GLYATL2: variants seen among roughly 807,000 people sequenced by gnomAD.
GLYATL2 encodes glycine-N-acyltransferase like 2.
A neutral mutation model predicts 21.4 loss-of-function variants in GLYATL2; 25 were observed. The ratio of observed to expected loss-of-function variants is 1.17; its 90% CI spans 0.85 to 1.63. The LOEUF is 1.63. Ranked by LOEUF, GLYATL2 falls within the 40% of genes most tolerant of loss-of-function variation. GLYATL2 has a pLI of 0.00. For synonymous variants in GLYATL2, 114 were observed against 118.2 expected (o/e 0.96, Z 0.23); for missense variants, 361 against 343.3 (o/e 1.05, Z -0.41).
intron 1 of GLYATL2, among the ~76,000 whole-genome samples, chr11:58,867,130 TA>T (rs1246420985): frequency 6.7e-6 from 1 of 148,840 alleles, no homozygotes; most frequent in Non-Finnish European, 1.5e-5. Flanking sequence ...TAGGGCCTCA[TA>T]GGGATTCAAA....
rs567930370 is a variant in GLYATL2, at chr11:58,865,993, C to A, written n.61-27625G>T. ...GAGCTTCAGAGCTTTAAAATGTTCT[C>A]GGATGCCCCCAGCCAAGAAAGCATG... On this transcript the variant is annotated intron_variant and non_coding_transcript_variant, in intron 1 of 4. Coordinates refer to the GLYATL2 transcript ENST00000533636. 3.4e-5 allele frequency among the ~76,000 whole-genome samples: 5 copies of A among 148,860 alleles called. 1 individual carries two copies. The highest frequency in any genetic ancestry group is 1.2e-4 in the African/African-American group (5 of 41,342).
rs533585005 is a variant in GLYATL2, at chr11:58,882,055, C to T, written n.60+22101G>A. ...TCAATAAACATATGTGTGCATGTGTCTTTATAGTAGCATGATTTATAATCC... is the reference window on the plus strand; with the variant it reads ...TCAATAAACATATGTGTGCATGTGTTTTTATAGTAGCATGATTTATAATCC... On this transcript the variant is annotated intron_variant and non_coding_transcript_variant, in intron 1 of 4. Coordinates refer to the GLYATL2 transcript ENST00000533636. 3.3e-5 allele frequency among the ~76,000 whole-genome samples: 5 copies of T among 152,278 alleles called. No individual in the cohort carries two copies. The South Asian group carries it at 1.0e-3, about 32-fold the overall frequency.
Position 58,834,639 on chromosome 11 carries a change from C to T in GLYATL2, c.675G>A (p.Met225Ile). ...IVMEQSCELR[M>I]GYTVPKYRHQ... Reference sequence around the variant, plus strand: ...GTCTGTATTTGGGGACAGTATAACCCATTCTCAACTCACAGGACTGTTCCA... The same window carrying T: ...GTCTGTATTTGGGGACAGTATAACCTATTCTCAACTCACAGGACTGTTCCA... Residue 225 changes from methionine to isoleucine, a missense_variant, in exon 6 of 6, where the codon ATG becomes ATA. Physicochemically the swap from Met to Ile is conservative, Grantham distance 10. Transcript: ENST00000287275. 6.2e-7 allele frequency: 1 copy of T among 1,613,418 alleles called. No homozygotes were observed. The highest frequency in any genetic ancestry group is 8.5e-7 in the Non-Finnish European group (1 of 1,179,832).
chr11:58,886,920 G>C (rs1854452440), intron 1 of GLYATL2, among the ~76,000 whole-genome samples: 1 of 152,154 alleles, frequency 6.6e-6, no homozygotes, highest in Admixed American at 6.5e-5. Flanking sequence ...AGGGGTAAAG[G>C]GGATGGGAAC....
At chr11:58,875,094 A>G (rs1374242544) in intron 1 of GLYATL2, among the ~76,000 whole-genome samples, 1 of 152,158 alleles carries the variant, frequency 6.6e-6, no homozygotes, top group Admixed American at 6.5e-5. Flanking sequence ...CTGTTTTATC[A>G]GAGACTAGGA....
chr11:58,849,061 A>G (rs1853692684), upstream of GLYATL2, among the ~76,000 whole-genome samples: 1 of 152,218 alleles, frequency 6.6e-6, no homozygotes, highest in Non-Finnish European at 1.5e-5. Flanking sequence ...CTGAAGGAAA[A>G]ATACCTTTTA....
chr11:58,907,713 A>G (rs894020900), upstream of GLYATL2: 3 of 198,798 alleles, frequency 1.5e-5, no homozygotes, highest in African/African-American at 2.3e-5. Context: ...TGTTAATTTC[A>G]CAACTTTGGG....
intron 1 of GLYATL2, among the ~76,000 whole-genome samples, chr11:58,884,682 C>T (rs1854404591): frequency 6.6e-6 from 1 of 152,082 alleles, no homozygotes; most frequent in Non-Finnish European, 1.5e-5. Flanking sequence ...GGAGGAAGGG[C>T]ATGGGGTTTG....
chr11:58,909,255 G>A, the GLYATL2 span, among the ~76,000 whole-genome samples: 2 of 152,150 alleles, frequency 1.3e-5, no homozygotes, highest in Admixed American at 1.3e-4. Context: ...GGAAAACAGA[G>A]GTATTAGTCA....
intron 1 of GLYATL2, among the ~76,000 whole-genome samples, chr11:58,873,482 G>GT (rs1854164228): frequency 6.6e-6 from 1 of 152,184 alleles, no homozygotes; most frequent in Non-Finnish European, 1.5e-5. Context: ...TTTATTGATA[G>GT]TTTTTAGCAT....
At chr11:58,871,104 G>A (rs1194132524) in intron 1 of GLYATL2, among the ~76,000 whole-genome samples, 1 of 152,072 alleles carries the variant, frequency 6.6e-6, no homozygotes, top group East Asian at 1.9e-4. Context: ...GGGTGGAGAG[G>A]GTGGATAAGG....
rs1270258475 is a variant in GLYATL2, at chr11:58,882,634, T to C, written n.60+21522A>G. Among the ~76,000 whole-genome samples the C allele has an allele frequency of 2.6e-5, 4 of 152,260 alleles. 1 individual carries two copies. The highest frequency in any genetic ancestry group is 1.9e-4 in the East Asian group (1 of 5,188). On this transcript the variant is annotated intron_variant and non_coding_transcript_variant, in intron 1 of 4. Transcript: ENST00000533636. ...GCTTTTGTTGCCATTGCTTTTGGGG[T>C]TTTAGTCATGAAGTCCTTGCCCATG...
rs528616160 is a variant in GLYATL2 at position 58,870,664 on chromosome 11, T to C, written n.61-32296A>G. ...AGCCTCCTGGGTAAAGGCAGGATTT[T>C]ATGACTCCTTCAACAGGCAGAACGA... On this transcript the variant is annotated intron_variant and non_coding_transcript_variant, in intron 1 of 4. Transcript: ENST00000533636. Among the ~76,000 whole-genome samples the C allele has an allele frequency of 2.0e-5, 3 of 152,334 alleles. No individual in the cohort carries two copies. The South Asian group carries it at 6.2e-4, about 32-fold the overall frequency.
chr11:58,905,885 G>A (rs1257449599), upstream of GLYATL2, among the ~76,000 whole-genome samples: 18 of 152,246 alleles, frequency 1.2e-4, no homozygotes. Context: ...CAAAGTGGAT[G>A]AGAGGATGAA....
At chr11:58,846,346 A>AGCC (rs1487879260), upstream of GLYATL2, among the ~76,000 whole-genome samples, 1 of 152,026 alleles carries the variant, frequency 6.6e-6, no homozygotes, top group African/African-American at 2.4e-5. Flanking sequence ...ACTACACAGA[A>AGCC]AAAAATACCT....
chr11:58,875,242 C>T (rs1433610325), intron 1 of GLYATL2, among the ~76,000 whole-genome samples: 1 of 152,164 alleles, frequency 6.6e-6, no homozygotes, highest in African/African-American at 2.4e-5. Flanking sequence ...ACTCTTTATC[C>T]AATTTGCCAG....
At chr11:58,909,710 T>C in the GLYATL2 span, among the ~76,000 whole-genome samples, 2 of 152,184 alleles carry the variant, frequency 1.3e-5, no homozygotes, top group Non-Finnish European at 2.9e-5. Context: ...CAAATAATGC[T>C]TTCTAGACTG....
At chr11:58,879,675 T>C (rs1315895312) in intron 1 of GLYATL2, among the ~76,000 whole-genome samples, 1 of 152,202 alleles carries the variant, frequency 6.6e-6, no homozygotes, top group African/African-American at 2.4e-5. Context: ...AGTGGCTAGA[T>C]ACAGGGAACG....
At chr11:58,870,902 A>G (rs1854106269) in intron 1 of GLYATL2, among the ~76,000 whole-genome samples, 1 of 152,248 alleles carries the variant, frequency 6.6e-6, no homozygotes, top group South Asian at 2.1e-4. Flanking sequence ...CTCTGCTCAT[A>G]AGATATGCAG....
Sources: gnomAD v4.1 joint callset for allele counts (sites outside exome capture counted in the v4.1 genomes callset) on GRCh38, gnomAD v4.1.1 for gene constraint, MANE v1.5 for transcripts, NCBI Gene and HGNC (gene_info 2026-07-23, HGNC 2026-07-21) for gene names.